TTL: variants seen among roughly 807,000 people sequenced by gnomAD.
The protein encoded by TTL is tubulin tyrosine ligase.
A neutral mutation model predicts 41.1 loss-of-function variants in TTL; 10 were observed. That is an observed-to-expected ratio of 0.24 (90% CI 0.15 to 0.41). The LOEUF (loss-of-function observed/expected upper bound fraction) is 0.41. Among genes scored for constraint, TTL ranks in the 10% least tolerant of loss-of-function variants. The pLI is 1.00. For missense variants in TTL, 367 were observed against 460.4 expected (o/e 0.80, Z 1.86); for synonymous variants, 175 against 175.5 (o/e 1.00, Z 0.02).
chr2:112,541,730 T>C lies in TTL; in HGVS notation c.*12935T>C, dbSNP rs984383888. The stretch of plus-strand genomic sequence containing the variant: ...CTGTTAAACACAAACACAATAAAGT[T>C]GAAAAACCAGCAGGCATTCCCTGAT... On this transcript the variant is annotated 3_prime_UTR_variant, in exon 7 of 7. Transcript: ENST00000233336. 1 of 238,216 alleles carries C rather than the reference T, an allele frequency of 4.2e-6. No homozygotes were observed. Among genetic ancestry groups the C allele is most frequent in the African/African-American group, 2.3e-5 (1 of 43,894 alleles). The allele number at this position is 238,216 out of a possible 1,614,324, so 14.8% of individuals were successfully genotyped here.
chr2:112,538,748 G>C lies in TTL; in HGVS notation c.*9953G>C, dbSNP rs527241990. 6.6e-6 allele frequency: 1 copy of C among 151,790 alleles called. No homozygotes were observed. The highest frequency in any genetic ancestry group is 6.6e-5 in the Admixed American group (1 of 15,244). 9.4% of individuals were successfully genotyped at this position (151,790 alleles called of 1,614,324 possible). On this transcript the variant is annotated 3_prime_UTR_variant, in exon 7 of 7. Coordinates refer to ENST00000233336, the MANE Select transcript of TTL (RefSeq NM_153712.5). ...AGCAGAGATCGCACAACTGCTCTCT[G>C]TCCTAGGTGACAGAGCAAGTCCTGT...
rs1474571787 is a variant in TTL at position 112,538,764 on chromosome 2, C to T, written c.*9969C>T. 1 of 151,590 alleles carries T rather than the reference C, an allele frequency of 6.6e-6. No individual in the cohort carries two copies. Among genetic ancestry groups the T allele is most frequent in the African/African-American group, 2.4e-5 (1 of 41,226 alleles). 9.4% of individuals were successfully genotyped at this position (151,590 alleles called of 1,614,324 possible). ...CTGCTCTCTGTCCTAGGTGACAGAG[C>T]AAGTCCTGTCTCAAAAAAATTAAAA... On this transcript the variant is annotated 3_prime_UTR_variant, in exon 7 of 7. Transcript: ENST00000233336.
intron 3 of TTL, among the ~76,000 whole-genome samples, chr2:112,495,711 G>T (rs928439080): frequency 9.9e-5 from 15 of 152,148 alleles, no homozygotes; most frequent in African/African-American, 1.4e-4. Context: ...GCTGGGTGTG[G>T]TGGCGGGTGC....
chr2:112,497,146 G>T (rs1681556514), intron 3 of TTL, among the ~76,000 whole-genome samples: 1 of 151,694 alleles, frequency 6.6e-6, no homozygotes, highest in African/African-American at 2.4e-5. Flanking sequence ...CTCTTGAGTA[G>T]CTGGGACGAC....
chr2:112,488,752 C>T (rs1275714926), intron 2 of TTL, among the ~76,000 whole-genome samples: 9 of 144,606 alleles, frequency 6.2e-5, no homozygotes, highest in African/African-American at 2.3e-4. Flanking sequence ...AGTGAGACTC[C>T]TTCTTAAAAA....
intron 6 of TTL, among the ~76,000 whole-genome samples, chr2:112,523,254 G>A (rs1682288781): frequency 6.6e-6 from 1 of 152,078 alleles, no homozygotes; most frequent in South Asian, 2.1e-4. Context: ...TCCTAGCTCT[G>A]ATTTTCTCTA....
intron 5 of TTL, among the ~76,000 whole-genome samples, chr2:112,515,624 G>A (rs1682047750): frequency 6.6e-6 from 1 of 152,152 alleles, no homozygotes; most frequent in African/African-American, 2.4e-5. Context: ...CAGCATCCCA[G>A]AAGACTCCTT....
chr2:112,535,589 A>G lies in TTL; in HGVS notation c.*6794A>G, dbSNP rs1022687861. On this transcript the variant is annotated 3_prime_UTR_variant, in exon 7 of 7. Transcript: ENST00000233336. ...TGTTACACTAGAAAATATATAAGAA[A>G]AGAGAAGGAAGTAATGAAAAATAGA... 2.6e-5 allele frequency: 4 copies of G among 152,196 alleles called. No homozygotes were observed. The highest frequency in any genetic ancestry group is 9.6e-5 in the African/African-American group (4 of 41,452). The allele number at this position is 152,196 out of a possible 1,614,324, so 9.4% of individuals were successfully genotyped here.
chr2:112,513,419 T>G, intron 5 of TTL, among the ~76,000 whole-genome samples: 1 of 152,016 alleles, frequency 6.6e-6, no homozygotes, highest in East Asian at 1.9e-4. Flanking sequence ...CCCATATACT[T>G]CCTTAAGTTT....
rs1682539375 is a variant in TTL at position 112,532,894 on chromosome 2, C to CT, written c.*4100dup. 1 of 152,270 alleles carries CT rather than the reference C, an allele frequency of 6.6e-6. No homozygotes were observed. Among genetic ancestry groups the CT allele is most frequent in the African/African-American group, 2.4e-5 (1 of 41,448 alleles). 9.4% of individuals were successfully genotyped at this position (152,270 alleles called of 1,614,324 possible). A position where few individuals can be genotyped will look rare whatever the true frequency, so the allele number is the denominator to read the frequency against. ...TGAGCTTCTCAGTGAAGCACTGAGA[C>CT]TATTTCAGCTGCCAAAGTCCCAGCC... is the stretch of plus-strand genomic sequence containing the variant. On this transcript the variant is annotated 3_prime_UTR_variant, in exon 7 of 7. Transcript: ENST00000233336.
Position 112,529,122 on chromosome 2 carries a change from G to A in TTL, c.*327G>A. On this transcript the variant is annotated 3_prime_UTR_variant, in exon 7 of 7. Transcript: ENST00000233336. ...CTCTGGTCGGTGCCTCCCACCCACT[G>A]CAGCCCTAGTGCCTTAGCTCCATGC... The A allele has an allele frequency of 2.3e-6, 1 of 428,100 alleles. No individual in the cohort carries two copies. The highest frequency in any genetic ancestry group is 4.3e-6 in the Non-Finnish European group (1 of 230,862). 26.5% of individuals were successfully genotyped at this position (428,100 alleles called of 1,614,324 possible). A position where few individuals can be genotyped will look rare whatever the true frequency, so the allele number is the denominator to read the frequency against.
At chr2:112,521,123 C>T (rs12464895) in intron 6 of TTL, 48,761 of 964,636 alleles carry the variant, frequency 0.051, 1,344 homozygotes, top group Middle Eastern at 0.069. Flanking sequence ...AGCTGGGGTG[C>T]AAGAAAAGAG....
Position 112,531,299 on chromosome 2 carries a change from T to C in TTL, c.*2504T>C. The C allele has an allele frequency of 4.4e-6, 1 of 226,862 alleles. No individual in the cohort carries two copies. The highest frequency in any genetic ancestry group is 8.8e-6 in the Non-Finnish European group (1 of 113,746). The allele number at this position is 226,862 out of a possible 1,614,324, so 14.1% of individuals were successfully genotyped here. On this transcript the variant is annotated 3_prime_UTR_variant, in exon 7 of 7. Transcript: ENST00000233336. ...CTACCCGTTGCTGGGGGAGGAGTCA[T>C]GGTTTATTTGGAAATGTCAGTTGCA...
Position 112,541,422 on chromosome 2 carries a change from G to C in TTL, c.*12627G>C, listed in dbSNP as rs1469678806. The C allele has an allele frequency of 6.6e-6, 1 of 152,244 alleles. No homozygotes were observed. The highest frequency in any genetic ancestry group is 1.9e-4 in the East Asian group (1 of 5,192). The allele number at this position is 152,244 out of a possible 1,614,324, so 9.4% of individuals were successfully genotyped here. ...CCCAGCATTTAGGGAGGCAAGGCGA[G>C]AGGATCACTAGAGGCCGGAAGTTCA... On this transcript the variant is annotated 3_prime_UTR_variant, in exon 7 of 7. Coordinates refer to ENST00000233336, the MANE Select transcript of TTL (RefSeq NM_153712.5).
At chr2:112,491,243 A>C (rs1235376038) in intron 2 of TTL, among the ~76,000 whole-genome samples, 1 of 152,088 alleles carries the variant, frequency 6.6e-6, no homozygotes, top group African/African-American at 2.4e-5. Context: ...CGCCTGCCTC[A>C]GCCTCCCAAA....
intron 6 of TTL, among the ~76,000 whole-genome samples, chr2:112,520,976 GT>G (rs1682210227): frequency 6.6e-6 from 1 of 152,102 alleles, no homozygotes; most frequent in South Asian, 2.1e-4. Flanking sequence ...CCATGAGAGT[GT>G]TAAAGTTCAT....
chr2:112,488,658 T>G (rs528636634), intron 2 of TTL, among the ~76,000 whole-genome samples: 8 of 151,670 alleles, frequency 5.3e-5, no homozygotes, highest in Admixed American at 4.6e-4. Flanking sequence ...CTCGGGAGGC[T>G]GAGGCAGGAG....
chr2:112,512,401 T>G (rs1264064788), intron 5 of TTL, among the ~76,000 whole-genome samples: 3 of 152,162 alleles, frequency 2.0e-5, no homozygotes, highest in Non-Finnish European at 4.4e-5. Flanking sequence ...TAGCTGGGAC[T>G]ACAGGCGCCC....
At chr2:112,494,083 C>T in intron 2 of TTL, 60 bp from the exon 3 acceptor site, 1 of 1,393,738 alleles carries the variant, frequency 7.2e-7, no homozygotes, top group Non-Finnish European at 1.0e-6. Context: ...AGTGGCCTTT[C>T]TGAAGGGAGT....
Sources: allele counts gnomAD v4.1 joint callset (sites outside exome capture counted in the v4.1 genomes callset), GRCh38; gene constraint gnomAD v4.1.1; transcripts MANE v1.5; gene names NCBI Gene and HGNC (gene_info 2026-07-23, HGNC 2026-07-21).